Variants in RBFOX1 observed in about 807,000 individuals in gnomAD.
RBFOX1 encodes RNA binding protein fox-1 homolog 1.
Under a neutral mutation model 57.7 loss-of-function variants are expected in RBFOX1, and 8 were observed. The ratio of observed to expected loss-of-function variants is 0.14; its 90% CI spans 0.08 to 0.25. The LOEUF (loss-of-function observed/expected upper bound fraction) is 0.25, where lower values mean the gene tolerates loss of function less well. Ranked by LOEUF, RBFOX1 falls within the 10% of genes least tolerant of loss-of-function variation. The pLI, the probability that RBFOX1 is intolerant of heterozygous loss-of-function variation, is 1.00. For synonymous variants in RBFOX1, 326 were observed against 222.4 expected (o/e 1.47, Z -4.15); for missense variants, 611 against 548.5 (o/e 1.11, Z -1.14).
chr16:6,788,633 G>C (rs2082373856), intron 3 of RBFOX1, among the ~76,000 whole-genome samples: 1 of 151,832 alleles, frequency 6.6e-6, no homozygotes, highest in African/African-American at 2.4e-5. Context: ...CTACGACCAT[G>C]CCCAGCTGAT....
intron 4 of RBFOX1, among the ~76,000 whole-genome samples, chr16:7,465,887 T>C (rs1315870852): frequency 6.6e-6 from 1 of 152,100 alleles, no homozygotes; most frequent in Non-Finnish European, 1.5e-5. Flanking sequence ...CATACATACA[T>C]TTTTTTGCCC....
chr16:5,695,286 C>G (rs1247382857), intron 3 of RBFOX1, among the ~76,000 whole-genome samples: 1 of 152,168 alleles, frequency 6.6e-6, no homozygotes, highest in Non-Finnish European at 1.5e-5. Context: ...GGGTACTCAT[C>G]ATCCAACTCA....
At chr16:7,639,601 T>C (rs973731127) in intron 11 of RBFOX1, among the ~76,000 whole-genome samples, 2 of 152,118 alleles carry the variant, frequency 1.3e-5, no homozygotes, top group African/African-American at 4.8e-5. Context: ...AACAGACAAA[T>C]ATATATAATG....
chr16:7,393,400 A>T (rs2098079515), intron 4 of RBFOX1, among the ~76,000 whole-genome samples: 1 of 152,002 alleles, frequency 6.6e-6, no homozygotes, highest in African/African-American at 2.4e-5. Flanking sequence ...CTGTATGAAA[A>T]ACCCAACTAT....
At chr16:5,560,918 G>A (rs1166601301) in intron 2 of RBFOX1, among the ~76,000 whole-genome samples, 1 of 152,192 alleles carries the variant, frequency 6.6e-6, no homozygotes, top group Non-Finnish European at 1.5e-5. Flanking sequence ...GCAGTATGGA[G>A]GCGTTTTGGC....
In RBFOX1 at chr16:5,557,114, G is replaced by T. The variant is rs1015484203; in HGVS notation, c.259-41788G>T. On this transcript the variant is annotated intron_variant, in intron 2 of 2. Coordinates refer to the RBFOX1 transcript ENST00000585867. Reference sequence around the variant, plus strand: ...CTCTACCAAGAATACAAAAAAATTAGCTGGGCGTGGTGGCAGGCACCTGTA... The same window carrying T: ...CTCTACCAAGAATACAAAAAAATTATCTGGGCGTGGTGGCAGGCACCTGTA... Among the ~76,000 whole-genome samples the T allele has an allele frequency of 1.9e-4, 29 of 151,976 alleles. No individual in the cohort carries two copies. The East Asian group carries it at 4.7e-3, about 24-fold the overall frequency.
At position 7,166,972 on chromosome 16, in the gene RBFOX1, C is replaced by CT. The variant is rs537293692; in HGVS notation, c.27+114909dup. Among the ~76,000 whole-genome samples, 206 of 49,106 alleles carry CT rather than the reference C, an allele frequency of 4.2e-3. 10 individuals are homozygous for CT. Among genetic ancestry groups the CT allele is most frequent in the Non-Finnish European group, 5.5e-3 (162 of 29,598 alleles). The allele number at this position is 49,106 out of a possible 152,430, so 32.2% of individuals were successfully genotyped here. A position where few individuals can be genotyped will look rare whatever the true frequency, so the allele number is the denominator to read the frequency against. On this transcript the variant is annotated intron_variant, in intron 4 of 15. Transcript: ENST00000550418. ...AGCCCCAGATTGCTGCATTGGTGTT[C>CT]TTTTTTTTTTTTTTTTTTTTTTTTT... is the stretch of plus-strand genomic sequence containing the variant.
chr16:7,338,299 C>G (rs2096831188), intron 4 of RBFOX1, among the ~76,000 whole-genome samples: 1 of 151,858 alleles, frequency 6.6e-6, no homozygotes, highest in Non-Finnish European at 1.5e-5. Flanking sequence ...TTTTTCCAGC[C>G]TAAACTTTCT....
chr16:7,297,733 T>A (rs1603557075), intron 4 of RBFOX1, among the ~76,000 whole-genome samples: 1 of 152,170 alleles, frequency 6.6e-6, no homozygotes, highest in Non-Finnish European at 1.5e-5. Context: ...ATATAACTGT[T>A]TCATTTTATT....
At chr16:5,326,318 A>G (rs1371972743) in intron 1 of RBFOX1, among the ~76,000 whole-genome samples, 3 of 152,182 alleles carry the variant, frequency 2.0e-5, no homozygotes, top group Admixed American at 6.5e-5. Flanking sequence ...AATTCTCCCC[A>G]CCAAACAGAC....
chr16:6,723,445 C>T (rs1230823014), intron 3 of RBFOX1, among the ~76,000 whole-genome samples: 1 of 152,070 alleles, frequency 6.6e-6, no homozygotes, highest in Non-Finnish European at 1.5e-5. Flanking sequence ...GGTGAACACA[C>T]AAAAGGGCAT....
chr16:7,527,910 C>G (rs772020317), intron 5 of RBFOX1, among the ~76,000 whole-genome samples: 5 of 152,208 alleles, frequency 3.3e-5, no homozygotes, highest in Admixed American at 6.5e-5. Flanking sequence ...TTTCCCGTTT[C>G]AAGTGCCAAA....
chr16:7,419,697 G>C (rs2098521030), intron 4 of RBFOX1, among the ~76,000 whole-genome samples: 1 of 152,096 alleles, frequency 6.6e-6, no homozygotes, highest in African/African-American at 2.4e-5. Flanking sequence ...CGACCCTCCA[G>C]TAGTTCCTGT....
At chr16:6,058,430 G>A (rs974001446) in intron 1 of RBFOX1, among the ~76,000 whole-genome samples, 1 of 151,908 alleles carries the variant, frequency 6.6e-6, no homozygotes, top group Non-Finnish European at 1.5e-5. Flanking sequence ...CTTTTAGACC[G>A]TGTCATTGTT....
At chr16:7,249,667 G>A (rs535455510) in intron 4 of RBFOX1, among the ~76,000 whole-genome samples, 1 of 151,228 alleles carries the variant, frequency 6.6e-6, no homozygotes, top group Non-Finnish European at 1.5e-5. Context: ...ATGGGTACCA[G>A]ATTTATTTTT....
rs146758344 is a variant in RBFOX1 at position 7,134,956 on chromosome 16, G to A, written c.27+82858G>A. Among the ~76,000 whole-genome samples, 29 of 151,272 alleles carry A rather than the reference G, an allele frequency of 1.9e-4. 1 individual carries two copies. In the East Asian group the frequency reaches 4.1e-3, roughly 21 times the overall value. On this transcript the variant is annotated intron_variant, in intron 4 of 15. Transcript: ENST00000550418. ...TTTTTTTTCAATTTTGATTAGCCGCGTTCCAAGAGAGAGAGATGAATTATC... is the reference window on the plus strand; with the variant it reads ...TTTTTTTTCAATTTTGATTAGCCGCATTCCAAGAGAGAGAGATGAATTATC...
chr16:5,821,186 T>A (rs543144073), intron 3 of RBFOX1, among the ~76,000 whole-genome samples: 2 of 151,646 alleles, frequency 1.3e-5, no homozygotes, highest in African/African-American at 4.8e-5. Flanking sequence ...GCCTGGGAGA[T>A]AACATGGGGG....
At chr16:6,963,530 C>G (rs1376989317) in intron 3 of RBFOX1, among the ~76,000 whole-genome samples, 1 of 152,038 alleles carries the variant, frequency 6.6e-6, no homozygotes, top group Non-Finnish European at 1.5e-5. Context: ...GAGTGAATGA[C>G]TCACTTGCAA....
rs560631935 is a variant in RBFOX1 at position 6,282,952 on chromosome 16, G to C, written c.-126-34043G>C. ...TTCATAGTTAAGAGAACCCTCACTT[G>C]AAGAGATGAAGAACTCTGTGTACCA... On this transcript the variant is annotated intron_variant, in intron 1 of 15. Transcript: ENST00000550418. Among the ~76,000 whole-genome samples the C allele has an allele frequency of 1.3e-3, 199 of 152,296 alleles. 1 individual carries two copies. The highest frequency in any genetic ancestry group is 4.4e-3 in the African/African-American group (183 of 41,570).
Sources: gnomAD v4.1 joint callset for allele counts (sites outside exome capture counted in the v4.1 genomes callset) on GRCh38, gnomAD v4.1.1 for gene constraint, MANE v1.5 for transcripts, NCBI Gene and HGNC (gene_info 2026-07-23, HGNC 2026-07-21) for gene names.